Variants in CDK19 observed in about 807,000 individuals in gnomAD.
CDK19 encodes cyclin dependent kinase 19, also known as cyclin-dependent kinase 19.
Under a neutral mutation model 68.3 loss-of-function variants are expected in CDK19, and 20 were observed. That is an observed-to-expected ratio of 0.29 (90% CI 0.21 to 0.43). CDK19 has a LOEUF of 0.43. CDK19 is among the 20% of genes least tolerant of loss of function. CDK19 has a pLI of 1.00. For missense variants in CDK19, 339 were observed against 623.5 expected, an observed-to-expected ratio of 0.54 and a Z score of 4.86; for synonymous variants, 221 against 222.8, an observed-to-expected ratio of 0.99 and a Z score of 0.07.
intron 2 of CDK19, among the ~76,000 whole-genome samples, chr6:110,717,828 C>T (rs970723412): frequency 1.3e-5 from 2 of 152,038 alleles, no homozygotes; most frequent in Non-Finnish European, 2.9e-5. Context: ...CAGCCTCCCA[C>T]GTAGCTGGGA....
chr6:110,750,593 G>T (rs1422303910), intron 1 of CDK19, among the ~76,000 whole-genome samples: 1 of 152,162 alleles, frequency 6.6e-6, no homozygotes, highest in Non-Finnish European at 1.5e-5. Context: ...GCTTATAAAT[G>T]ATTCCTTTAC....
chr6:110,658,962 T>A (rs12207137), intron 4 of CDK19, among the ~76,000 whole-genome samples: 7,277 of 152,294 alleles, frequency 0.048, 185 homozygotes, highest in Middle Eastern at 0.085. Flanking sequence ...AACAACCATA[T>A]AAATTACTTC....
chr6:110,785,828 A>G (rs1307187780), intron 1 of CDK19, among the ~76,000 whole-genome samples: 1 of 152,110 alleles, frequency 6.6e-6, no homozygotes. Context: ...TAAAAATACA[A>G]AATCAGCCAG....
At chr6:110,622,757 A>T in intron 10 of CDK19, 58 bp downstream of exon 10, 1 of 1,092,676 alleles carries the variant, frequency 9.2e-7, no homozygotes, top group South Asian at 1.2e-5. Context: ...CTTGCTTTCA[A>T]CCACCATGCA....
At chr6:110,815,814 G>C (rs1783606042), upstream of CDK19, 1 of 152,554 alleles carries the variant, frequency 6.6e-6, no homozygotes, top group African/African-American at 2.4e-5. Context: ...GCACCTTGCT[G>C]AAGGGTTGGC....
Position 110,784,316 on chromosome 6 carries a change from G to A in CDK19, c.128+30693C>T, listed in dbSNP as rs368478070. Among the ~76,000 whole-genome samples the A allele has an allele frequency of 5.3e-5, 8 of 152,022 alleles. No homozygotes were observed. The East Asian group carries it at 7.7e-4, about 15-fold the overall frequency. ...TAAAAATACAACCCAATTTTAAAAT[G>A]AGCAAAGAATTTGAATAGGTATTTC... On this transcript the variant is annotated intron_variant, in intron 1 of 12. Coordinates refer to ENST00000368911, the MANE Select transcript of CDK19 (RefSeq NM_015076.5).
chr6:110,676,064 A>G (rs1409506884), intron 2 of CDK19, among the ~76,000 whole-genome samples: 1 of 152,246 alleles, frequency 6.6e-6, no homozygotes, highest in Non-Finnish European at 1.5e-5. Flanking sequence ...CATTAAAAAC[A>G]TTCATGATTC....
intron 1 of CDK19, among the ~76,000 whole-genome samples, chr6:110,785,930 A>T (rs1052275149): frequency 4.0e-5 from 6 of 151,872 alleles, no homozygotes; most frequent in Admixed American, 1.3e-4. Flanking sequence ...TCGTGAGTCG[A>T]GATGAAGCCA....
intron 1 of CDK19, among the ~76,000 whole-genome samples, chr6:110,805,071 C>T (rs1453156703): frequency 6.6e-6 from 1 of 152,144 alleles, no homozygotes; most frequent in Non-Finnish European, 1.5e-5. Flanking sequence ...CTGCTGCACA[C>T]TTGTATCCTG....
At chr6:110,768,247 G>A (rs1378974293) in intron 1 of CDK19, among the ~76,000 whole-genome samples, 1 of 152,182 alleles carries the variant, frequency 6.6e-6, no homozygotes, top group Admixed American at 6.5e-5. Flanking sequence ...ATCAAATGCT[G>A]ACAAGGATGT....
At chr6:110,660,291 G>A (rs1781538896) in intron 4 of CDK19, among the ~76,000 whole-genome samples, 3 of 152,060 alleles carry the variant, frequency 2.0e-5, no homozygotes, top group African/African-American at 7.2e-5. Context: ...AGTGGGTACA[G>A]GAGCCGGGGC....
At chr6:110,617,606 A>G (rs922228439) in intron 12 of CDK19, among the ~76,000 whole-genome samples, 2 of 151,312 alleles carry the variant, frequency 1.3e-5, no homozygotes. Context: ...CAACATGGCG[A>G]AACCCTGTCT....
intron 5 of CDK19, among the ~76,000 whole-genome samples, chr6:110,635,016 C>T (rs1337901984): frequency 6.6e-6 from 1 of 152,144 alleles, no homozygotes; most frequent in African/African-American, 2.4e-5. Context: ...CTGATTTAGA[C>T]AAAAGGTAAT....
chr6:110,730,965 T>A (rs1392866440), intron 2 of CDK19, among the ~76,000 whole-genome samples: 2 of 151,830 alleles, frequency 1.3e-5, no homozygotes, highest in Non-Finnish European at 2.9e-5. Flanking sequence ...GGCAGGAGAA[T>A]CATTTGAACC....
chr6:110,642,784 A>AGGAGG (rs1475416741), intron 4 of CDK19, among the ~76,000 whole-genome samples: 3 of 146,966 alleles, frequency 2.0e-5, no homozygotes, highest in South Asian at 2.5e-4. Context: ...TGTCTTTGAT[A>AGGAGG]GGAGGGGAGG....
chr6:110,616,635 C>CT (rs1778328142), intron 12 of CDK19, among the ~76,000 whole-genome samples: 1 of 151,424 alleles, frequency 6.6e-6, no homozygotes, highest in Non-Finnish European at 1.5e-5. Flanking sequence ...CGCCACTGCA[C>CT]TCTAGCCTGG....
chr6:110,645,951 C>T (rs1287618892), intron 4 of CDK19: 2 of 1,150,578 alleles, frequency 1.7e-6, no homozygotes, highest in South Asian at 1.3e-5. Context: ...AGCCACCGAC[C>T]GCGAGGGCTT....
At chr6:110,708,094 C>T (rs1582913558) in intron 2 of CDK19, among the ~76,000 whole-genome samples, 2 of 151,972 alleles carry the variant, frequency 1.3e-5, no homozygotes, top group African/African-American at 4.8e-5. Flanking sequence ...ATAAAAATAC[C>T]CAAAAGAGGA....
chr6:110,756,226 C>T (rs1429971706), intron 1 of CDK19, among the ~76,000 whole-genome samples: 3 of 152,006 alleles, frequency 2.0e-5, no homozygotes, highest in Non-Finnish European at 4.4e-5. Context: ...CCTGTCTCTA[C>T]TAAAAATACA....
Sources: allele counts gnomAD v4.1 joint callset (sites outside exome capture counted in the v4.1 genomes callset), GRCh38; gene constraint gnomAD v4.1.1; transcripts MANE v1.5; gene names NCBI Gene and HGNC (gene_info 2026-07-23, HGNC 2026-07-21).